SLC24A4: variants seen among roughly 807,000 people sequenced by gnomAD.
SLC24A4 encodes the protein sodium/potassium/calcium exchanger 4.
In SLC24A4, 53 loss-of-function variants were observed where a neutral mutation model predicts 79.0. That is an observed-to-expected ratio of 0.67 (90% CI 0.54 to 0.84). The LOEUF (loss-of-function observed/expected upper bound fraction) is 0.84, where lower values mean the gene tolerates loss of function less well. SLC24A4 is among the 40% of genes least tolerant of loss of function. SLC24A4 has a pLI of 0.00. For synonymous variants in SLC24A4, 323 were observed against 323.8 expected, an observed-to-expected ratio of 1.00 and a Z score of 0.03; for missense variants, 731 against 822.0, an observed-to-expected ratio of 0.89 and a Z score of 1.35.
chr14:92,427,477 T>C (rs932269695), intron 2 of SLC24A4, among the ~76,000 whole-genome samples: 9 of 152,362 alleles, frequency 5.9e-5, no homozygotes, highest in Non-Finnish European at 2.9e-5. Context: ...TTGAAAAGCT[T>C]GTCTGGCTGC....
At chr14:92,429,228 A>T (rs1227418488) in intron 2 of SLC24A4, among the ~76,000 whole-genome samples, 1 of 152,140 alleles carries the variant, frequency 6.6e-6, no homozygotes, top group African/African-American at 2.4e-5. Context: ...GGGAGGGGTG[A>T]TTACAAAAAG....
chr14:92,341,318 A>T (rs890466754), intron 2 of SLC24A4, among the ~76,000 whole-genome samples: 1 of 152,196 alleles, frequency 6.6e-6, no homozygotes, highest in African/African-American at 2.4e-5. Flanking sequence ...TGCTCAGGGA[A>T]GGCAGGACAT....
intron 3 of SLC24A4, among the ~76,000 whole-genome samples, chr14:92,434,399 G>A (rs1264110798): frequency 1.3e-5 from 2 of 152,118 alleles, no homozygotes; most frequent in Non-Finnish European, 2.9e-5. Flanking sequence ...ACATCACTAT[G>A]TAGATGGTCC....
intron 14 of SLC24A4, among the ~76,000 whole-genome samples, 186 bp from the exon 15 acceptor site, chr14:92,491,479 A>G (rs1344090686): frequency 2.0e-5 from 3 of 152,194 alleles, no homozygotes; most frequent in Non-Finnish European, 2.9e-5. Flanking sequence ...CAGTCAACCC[A>G]TAATAGTCCC....
chr14:92,343,645 TTTCCTTCTTTCC>T (rs1248595312), intron 2 of SLC24A4, among the ~76,000 whole-genome samples: 78 of 55,290 alleles, frequency 1.4e-3, no homozygotes, highest in African/African-American at 4.1e-3. Flanking sequence ...TCTTTCTCTC[TTTCCTTCTTTCC>T]TTCCTTCCTT....
intron 2 of SLC24A4, among the ~76,000 whole-genome samples, chr14:92,364,526 G>C (rs1228863803): frequency 6.6e-6 from 1 of 152,216 alleles, no homozygotes; most frequent in Non-Finnish European, 1.5e-5. Context: ...GCAGGGCAGA[G>C]GGAGGAGACA....
chr14:92,360,265 C>A (rs563067518), intron 2 of SLC24A4, among the ~76,000 whole-genome samples: 1 of 152,162 alleles, frequency 6.6e-6, no homozygotes, highest in South Asian at 2.1e-4. Flanking sequence ...GGGACAGGGT[C>A]TCATTCTGTC....
At chr14:92,376,471 G>A (rs1423073254) in intron 2 of SLC24A4, among the ~76,000 whole-genome samples, 1 of 152,248 alleles carries the variant, frequency 6.6e-6, no homozygotes, top group Non-Finnish European at 1.5e-5. Context: ...GGGGCAGCGT[G>A]GGAGACGACT....
intron 12 of SLC24A4, among the ~76,000 whole-genome samples, chr14:92,465,212 C>T (rs970603307): frequency 6.6e-6 from 1 of 152,164 alleles, no homozygotes; most frequent in African/African-American, 2.4e-5. Flanking sequence ...TTTCATCTGC[C>T]CAGGGGTCCT....
intron 3 of SLC24A4, among the ~76,000 whole-genome samples, chr14:92,438,756 C>G (rs1341462843): frequency 2.0e-5 from 3 of 152,204 alleles, no homozygotes; most frequent in Admixed American, 6.5e-5. Flanking sequence ...TCCTTAAGCT[C>G]TATCCTTTAG....
intron 2 of SLC24A4, among the ~76,000 whole-genome samples, chr14:92,329,691 G>A (rs1303302323): frequency 6.6e-6 from 1 of 152,192 alleles, no homozygotes; most frequent in African/African-American, 2.4e-5. Flanking sequence ...TTGTTCTGTA[G>A]AGGCAGGGTT....
At chr14:92,346,573 A>G (rs1886543932) in intron 2 of SLC24A4, among the ~76,000 whole-genome samples, 1 of 152,218 alleles carries the variant, frequency 6.6e-6, no homozygotes, top group Non-Finnish European at 1.5e-5. Context: ...ACAAATTAAA[A>G]AGGCCTTATG....
At chr14:92,402,498 G>C (rs1048897270) in intron 2 of SLC24A4, among the ~76,000 whole-genome samples, 5 of 152,100 alleles carry the variant, frequency 3.3e-5, no homozygotes, top group African/African-American at 1.2e-4. Flanking sequence ...TGAAAAATCA[G>C]AAAATGTTAT....
In SLC24A4 at chr14:92,486,873, T is replaced by A. The variant is rs918949614; in HGVS notation, c.1537+93T>A. The A allele has an allele frequency of 6.1e-6, 5 of 818,656 alleles. 1 individual carries two copies. The highest frequency in any genetic ancestry group is 3.4e-5 in the African/African-American group (2 of 58,068). 50.7% of individuals were successfully genotyped at this position (818,656 alleles called of 1,614,324 possible). A position where few individuals can be genotyped will look rare whatever the true frequency, so the allele number is the denominator to read the frequency against. ...TTACAGTTGACCAAGTTGTGGCTCT[T>A]ATGACTGGCAGTTGTCAAGTCCTGC... On this transcript the variant is annotated intron_variant, in intron 14 of 16. Transcript: ENST00000532405.
chr14:92,458,081 C>T (rs1893587036), intron 12 of SLC24A4, among the ~76,000 whole-genome samples: 1 of 152,184 alleles, frequency 6.6e-6, no homozygotes, highest in African/African-American at 2.4e-5. Context: ...ATGCTCGTCG[C>T]AGCTATCCAG....
intron 16 of SLC24A4, 105 bp from the exon 17 acceptor site, chr14:92,493,371 C>T: frequency 2.2e-6 from 3 of 1,387,506 alleles, no homozygotes; most frequent in Non-Finnish European, 3.0e-6. Flanking sequence ...TGCCCACATT[C>T]TGCAGAATGT....
chr14:92,389,602 C>T (rs1474410076), intron 2 of SLC24A4, among the ~76,000 whole-genome samples: 1 of 152,160 alleles, frequency 6.6e-6, no homozygotes, highest in African/African-American at 2.4e-5. Flanking sequence ...AAGTCCTGCC[C>T]GCAAGGACCT....
In SLC24A4 at chr14:92,500,444, G is replaced by A. The variant is rs1428121577; in HGVS notation, c.*6816G>A. 3.3e-5 allele frequency: 5 copies of A among 152,102 alleles called. No homozygotes were observed. The highest frequency in any genetic ancestry group is 1.2e-4 in the African/African-American group (5 of 41,320). 9.4% of individuals were successfully genotyped at this position (152,102 alleles called of 1,614,324 possible). ...GCGCAGTCCTCTTTCAATGGAAGAA[G>A]AGAGGACTTTTCCCCTCCTGAAAAA... is the stretch of plus-strand genomic sequence containing the variant. On this transcript the variant is annotated 3_prime_UTR_variant, in exon 17 of 17. Transcript: ENST00000532405.
chr14:92,371,931 A>G (rs749070938), intron 2 of SLC24A4, among the ~76,000 whole-genome samples: 2 of 152,034 alleles, frequency 1.3e-5, no homozygotes, highest in Non-Finnish European at 2.9e-5. Flanking sequence ...GCAGCCTCCC[A>G]TCTTCTCTCC....
Sources: gnomAD v4.1 joint callset for allele counts (sites outside exome capture counted in the v4.1 genomes callset) on GRCh38, gnomAD v4.1.1 for gene constraint, MANE v1.5 for transcripts, NCBI Gene and HGNC (gene_info 2026-07-23, HGNC 2026-07-21) for gene names.